TCOF1: variants seen among roughly 807,000 people sequenced by gnomAD.
TCOF1 encodes the protein treacle protein.
Under a neutral mutation model 149.0 loss-of-function variants are expected in TCOF1, and 33 were observed. The observed-to-expected ratio is 0.22, with a 90% CI of 0.17 to 0.30. The LOEUF is 0.30. Among genes scored for constraint, TCOF1 ranks in the 10% least tolerant of loss-of-function variants. The pLI is 1.00. For missense variants in TCOF1, 1,728 were observed against 1,840.7 expected, an observed-to-expected ratio of 0.94 and a Z score of 1.12; for synonymous variants, 789 against 738.8, an observed-to-expected ratio of 1.07 and a Z score of -1.10.
intron 4 of TCOF1, 145 bp from the exon 5 acceptor site, chr5:150,368,571 T>G (rs1294430750): frequency 1.1e-6 from 1 of 905,222 alleles, no homozygotes; most frequent in Admixed American, 2.0e-5. Flanking sequence ...TAACCTCACT[T>G]TAAAGATTGG....
chr5:150,398,248 G>T, intron 24 of TCOF1, 106 bp from the exon 25 acceptor site: 1 of 1,586,640 alleles, frequency 6.3e-7, no homozygotes, highest in Non-Finnish European at 8.5e-7. Flanking sequence ...ATGGCTTCTG[G>T]TGGTGTGGGG....
chr5:150,388,473 A>G (rs1766734813), intron 18 of TCOF1, among the ~76,000 whole-genome samples: 1 of 152,260 alleles, frequency 6.6e-6, no homozygotes, highest in Non-Finnish European at 1.5e-5. Flanking sequence ...TCCCTAAGCC[A>G]GAGACATCAC....
intron 17 of TCOF1, among the ~76,000 whole-genome samples, chr5:150,386,403 G>A (rs1766308731): frequency 6.6e-6 from 1 of 152,178 alleles, no homozygotes; most frequent in Non-Finnish European, 1.5e-5. Context: ...TTATATCGTG[G>A]GAAGGAAGGC....
chr5:150,373,574 C>CT (rs1763016448), intron 7 of TCOF1, among the ~76,000 whole-genome samples: 1 of 152,138 alleles, frequency 6.6e-6, no homozygotes, highest in Non-Finnish European at 1.5e-5. Context: ...CAGTGCAGAG[C>CT]CCCACCGAGG....
rs1762664499 is a variant in TCOF1 at position 150,372,084 on chromosome 5, C to G, written c.718C>G (p.Pro240Ala). 1 of 1,614,248 alleles carries G rather than the reference C, an allele frequency of 6.2e-7. No homozygotes were observed. The highest frequency in any genetic ancestry group is 1.3e-5 in the African/African-American group (1 of 75,062). The stretch of plus-strand genomic sequence containing the variant: ...GGAGTCTCCAGCAAGAAAGGCGGCC[C>G]CAGCCCCTGGGAAGGTGGGGGATGT... ...TKESPARKAA[P>A]APGKVGDVTP... The change falls in exon 7 of 27, where the codon CCA (proline) becomes GCA (alanine). Residue 240 changes from proline (P) to alanine (A), a missense_variant. By Grantham distance (27) the Pro-to-Ala change is conservative (BLOSUM62 -1). Coordinates refer to ENST00000643257, the MANE Select transcript of TCOF1 (RefSeq NM_001371623.1).
At chr5:150,374,920 C>G in intron 9 of TCOF1, 34 bp from the exon 10 acceptor site, 1 of 1,613,976 alleles carries the variant, frequency 6.2e-7, no homozygotes, top group Non-Finnish European at 8.5e-7. Flanking sequence ...CGTCCACCCT[C>G]TGGGCTCTCC....
Position 150,374,935 on chromosome 5 carries a change from A to C in TCOF1, c.1279-19A>C. The C allele has an allele frequency of 1.2e-6, 2 of 1,610,438 alleles. No homozygotes were observed. The highest frequency in any genetic ancestry group is 1.7e-6 in the Non-Finnish European group (2 of 1,179,202). On this transcript the variant is annotated intron_variant, in intron 9 of 26. Transcript: ENST00000643257. Reference sequence around the variant, plus strand: ...CGTCCACCCTCTGGGCTCTCCCCTCATCCTGTTTCTCACTCCAGGCGAAGC... The same window carrying C: ...CGTCCACCCTCTGGGCTCTCCCCTCCTCCTGTTTCTCACTCCAGGCGAAGC...
intron 17 of TCOF1, chr5:150,384,846 G>A (rs1765954443): frequency 2.0e-6 from 2 of 985,336 alleles, no homozygotes; most frequent in South Asian, 4.7e-5. Context: ...CATTTATTGA[G>A]CACCTCTCTA....
At chr5:150,375,597 T>G in intron 11 of TCOF1, 43 bp downstream of exon 11, 1 of 1,613,280 alleles carries the variant, frequency 6.2e-7, no homozygotes, top group Non-Finnish European at 8.5e-7. Flanking sequence ...TCCCCCCCAC[T>G]CAGAGTGGAG....
chr5:150,391,666 G>A lies in TCOF1; in HGVS notation c.3297+9G>A. On this transcript the variant is annotated intron_variant, in intron 20 of 26. Coordinates refer to ENST00000643257, the MANE Select transcript of TCOF1 (RefSeq NM_001371623.1). Reference sequence around the variant, plus strand: ...CCCAGCCTTCAAGTGGGGTGAGCTTGGGGAGCCAGGGGAAGCAAGCCCACG... The same window carrying A: ...CCCAGCCTTCAAGTGGGGTGAGCTTAGGGAGCCAGGGGAAGCAAGCCCACG... 3 of 1,611,112 alleles carry A rather than the reference G, an allele frequency of 1.9e-6. No homozygotes were observed. Among genetic ancestry groups the A allele is most frequent in the Non-Finnish European group, 2.5e-6 (3 of 1,178,380 alleles).
intron 3 of TCOF1, 121 bp downstream of exon 3, chr5:150,364,373 A>ATT: frequency 1.4e-6 from 2 of 1,407,194 alleles, no homozygotes; most frequent in Non-Finnish European, 1.9e-6. Context: ...GGAGATTGGG[A>ATT]GGGCACCACA....
intron 24 of TCOF1, among the ~76,000 whole-genome samples, chr5:150,397,337 T>A (rs1344664690): frequency 6.6e-6 from 1 of 151,870 alleles, no homozygotes; most frequent in Non-Finnish European, 1.5e-5. Context: ...GGAACCTGCT[T>A]CTCCAGCCAG....
At chr5:150,377,841 T>C (rs1189333049) in intron 14 of TCOF1, among the ~76,000 whole-genome samples, 1 of 152,244 alleles carries the variant, frequency 6.6e-6, no homozygotes, top group African/African-American at 2.4e-5. Flanking sequence ...TTTTGAACCA[T>C]GGGCTATTTT....
rs1227488164 is a variant in TCOF1, at chr5:150,384,732, G to A, written c.2860-3170G>A. On this transcript the variant is annotated intron_variant, in intron 17 of 26. Coordinates refer to ENST00000643257, the MANE Select transcript of TCOF1 (RefSeq NM_001371623.1). ...TTTGTACATTCCCCCAGGAGGATTC[G>A]GGGAAGACGGGCATAGCCCGGGGAA... is the stretch of plus-strand genomic sequence containing the variant. 3.1e-5 allele frequency: 31 copies of A among 985,458 alleles called. No individual in the cohort carries two copies. In the East Asian group the frequency reaches 7.9e-4, roughly 25 times the overall value. 61.0% of individuals were successfully genotyped at this position (985,458 alleles called of 1,614,324 possible).
intron 4 of TCOF1, chr5:150,368,257 A>G (rs1435037184): frequency 7.9e-6 from 3 of 378,928 alleles, no homozygotes; most frequent in African/African-American, 6.2e-5. Context: ...CTAGGTGTGG[A>G]GGCACCGTAG....
rs375809363 is a variant in TCOF1, at chr5:150,374,825, G to A, written c.1278+14G>A. The A allele has an allele frequency of 2.0e-4, 326 of 1,604,454 alleles. 1 individual carries two copies. The African/African-American group carries it at 3.9e-3, about 19-fold the overall frequency. ...GCGCCTGCTCAGGTGAGGCAGAGGGGAGGGGTGGAGAGTAGCCCCATGCCT... is the reference window on the plus strand; with the variant it reads ...GCGCCTGCTCAGGTGAGGCAGAGGGAAGGGGTGGAGAGTAGCCCCATGCCT... On this transcript the variant is annotated intron_variant, in intron 9 of 26. Coordinates refer to ENST00000643257, the MANE Select transcript of TCOF1 (RefSeq NM_001371623.1).
intron 2 of TCOF1, among the ~76,000 whole-genome samples, chr5:150,363,278 ATCCTGACAAGTGGCTT>A (rs1156649720): frequency 2.6e-5 from 4 of 152,232 alleles, no homozygotes; most frequent in Non-Finnish European, 4.4e-5. Context: ...TAACAGGAGA[ATCCTGACAAGTGGCTT>A]TCCTGGGAAC....
intron 18 of TCOF1, 125 bp downstream of exon 18, chr5:150,388,213 G>GA: frequency 7.7e-7 from 1 of 1,306,838 alleles, no homozygotes; most frequent in Non-Finnish European, 1.1e-6. Flanking sequence ...CTTGGGGTCA[G>GA]GTCTCTGGGC....
In TCOF1 at chr5:150,391,972, G is replaced by C; in HGVS notation, c.3313G>C (p.Gly1105Arg). ...QPSSGVDSAVGTLPATSPQST... is the reference protein window; with the variant it reads ...QPSSGVDSAVRTLPATSPQST... Reference sequence around the variant, plus strand: ...ACCGAATTAGGTTGACAGTGCTGTGGGAACACTCCCTGCAACAAGTCCCCA... The same window carrying C: ...ACCGAATTAGGTTGACAGTGCTGTGCGAACACTCCCTGCAACAAGTCCCCA... The change falls in exon 21 of 27, where the codon GGA (glycine) becomes CGA (arginine). Residue 1105 changes from glycine (G) to arginine (R), a missense_variant. Gly to Arg is a moderately radical substitution (Grantham distance 125). Transcript: ENST00000643257. 1 of 1,614,148 alleles carries C rather than the reference G, an allele frequency of 6.2e-7. No individual in the cohort carries two copies. The highest frequency in any genetic ancestry group is 8.5e-7 in the Non-Finnish European group (1 of 1,180,020).
Sources: allele counts gnomAD v4.1 joint callset (sites outside exome capture counted in the v4.1 genomes callset), GRCh38; gene constraint gnomAD v4.1.1; transcripts MANE v1.5; gene names NCBI Gene and HGNC (gene_info 2026-07-23, HGNC 2026-07-21).